The following TRPM3 variants were observed in gnomAD, a reference collection of about 807,000 sequenced individuals.
TRPM3 encodes the protein transient receptor potential cation channel subfamily M member 3.
TRPM3 carries 77 observed loss-of-function variants against 181.2 expected under a neutral mutation model. The observed-to-expected ratio is 0.42, with a 90% CI of 0.35 to 0.51. The LOEUF (loss-of-function observed/expected upper bound fraction) is 0.51. Among genes scored for constraint, TRPM3 ranks in the 20% least tolerant of loss-of-function variants. The pLI is 0.01. For missense variants in TRPM3, 1,759 were observed against 2,196.7 expected (o/e 0.80, Z 3.98); for synonymous variants, 745 against 796.4 (o/e 0.94, Z 1.09).
intron 1 of TRPM3, among the ~76,000 whole-genome samples, chr9:71,439,088 G>A (rs2094093569): frequency 6.6e-6 from 1 of 152,050 alleles, no homozygotes; most frequent in Non-Finnish European, 1.5e-5. Context: ...AACTACCTTT[G>A]GTAAAAACAT....
chr9:71,234,419 A>C (rs913377603), intron 1 of TRPM3, among the ~76,000 whole-genome samples: 1 of 152,204 alleles, frequency 6.6e-6, no homozygotes, highest in African/African-American at 2.4e-5. Context: ...CTGATGACCC[A>C]TATGTATTAG....
intron 22 of TRPM3, among the ~76,000 whole-genome samples, chr9:70,584,801 C>A (rs1048266141): frequency 2.6e-5 from 4 of 152,098 alleles, no homozygotes; most frequent in Non-Finnish European, 4.4e-5. Context: ...CTTCAAAAAC[C>A]CTTGCAAACA....
intron 1 of TRPM3, among the ~76,000 whole-genome samples, chr9:71,225,493 A>G (rs1194361720): frequency 6.6e-6 from 1 of 152,194 alleles, no homozygotes; most frequent in Non-Finnish European, 1.5e-5. Flanking sequence ...AAGTAGTTCA[A>G]TCAGAAAGAA....
chr9:70,835,121 C>G (rs186730740), intron 5 of TRPM3, among the ~76,000 whole-genome samples: 3 of 152,110 alleles, frequency 2.0e-5, no homozygotes, highest in Non-Finnish European at 4.4e-5. Context: ...GCCAGCTCCC[C>G]CTTTGCCTTC....
intron 1 of TRPM3, among the ~76,000 whole-genome samples, chr9:70,891,563 C>T (rs970093738): frequency 2.4e-4 from 37 of 152,206 alleles, no homozygotes; most frequent in African/African-American, 8.7e-4. Flanking sequence ...ACTTTTTAAG[C>T]TCTATCATAA....
intron 12 of TRPM3, among the ~76,000 whole-genome samples, chr9:70,629,226 GGGGC>G (rs1338967277): frequency 2.4e-5 from 2 of 83,584 alleles, no homozygotes; most frequent in African/African-American, 7.4e-5. Flanking sequence ...GGGGGGGGGG[GGGGC>G]CTGCGTTCTG....
intron 1 of TRPM3, among the ~76,000 whole-genome samples, chr9:71,345,245 T>C (rs1043271909): frequency 5.3e-5 from 8 of 152,186 alleles, no homozygotes; most frequent in Admixed American, 2.6e-4. Flanking sequence ...ACTGGGTATA[T>C]GCCCAAAGGA....
intron 1 of TRPM3, among the ~76,000 whole-genome samples, chr9:71,434,179 T>A (rs2093998078): frequency 6.6e-6 from 1 of 151,794 alleles, no homozygotes; most frequent in Non-Finnish European, 1.5e-5. Context: ...AATAAATAAA[T>A]AAAGTCATCC....
intron 5 of TRPM3, 196 bp downstream of exon 5, chr9:70,842,807 G>C: frequency 5.5e-6 from 3 of 541,508 alleles, no homozygotes; most frequent in Non-Finnish European, 9.4e-6. Flanking sequence ...TTGATCATAA[G>C]AATTGACCTG....
At chr9:70,872,906 G>C (rs941470234) in intron 1 of TRPM3, among the ~76,000 whole-genome samples, 4 of 151,860 alleles carry the variant, frequency 2.6e-5, no homozygotes, top group African/African-American at 9.7e-5. Flanking sequence ...TTCAGGGCGG[G>C]ACTCAGATGG....
At chr9:71,444,109 G>T (rs1385329439) in intron 1 of TRPM3, among the ~76,000 whole-genome samples, 1 of 150,758 alleles carries the variant, frequency 6.6e-6, no homozygotes, top group East Asian at 2.0e-4. Context: ...AACCAGGGAG[G>T]CGGAAGTTGC....
At chr9:71,239,173 T>TA (rs1316012782) in intron 1 of TRPM3, among the ~76,000 whole-genome samples, 1 of 152,154 alleles carries the variant, frequency 6.6e-6, no homozygotes, top group Non-Finnish European at 1.5e-5. Context: ...TTAGCAACAT[T>TA]AATACATTTT....
intron 15 of TRPM3, among the ~76,000 whole-genome samples, chr9:70,620,832 G>C (rs1293013632): frequency 4.0e-5 from 6 of 151,664 alleles, no homozygotes; most frequent in African/African-American, 1.5e-4. Flanking sequence ...AAGTAGTTCT[G>C]GCCTTTAGAC....
At chr9:70,847,017 A>G (rs1310194982) in intron 3 of TRPM3, among the ~76,000 whole-genome samples, 1 of 152,192 alleles carries the variant, frequency 6.6e-6, no homozygotes, top group Admixed American at 6.5e-5. Flanking sequence ...GATTTGAAAG[A>G]TTCTAGAATT....
rs1206569203 is a variant in TRPM3 at position 70,534,655 on chromosome 9, A to G, written c.*1298T>C. On this transcript the variant is annotated 3_prime_UTR_variant, in exon 26 of 26. Transcript: ENST00000677713. ...GAAAAATATTCATGGTATGCTTGCA[A>G]CTGATGGCTTTGGGTTGATACCAAA... The G allele has an allele frequency of 1.3e-5, 2 of 152,176 alleles. No individual in the cohort carries two copies. The highest frequency in any genetic ancestry group is 2.4e-5 in the African/African-American group (1 of 41,440). The allele number at this position is 152,176 out of a possible 1,614,324, so 9.4% of individuals were successfully genotyped here. A position where few individuals can be genotyped will look rare whatever the true frequency, so the allele number is the denominator to read the frequency against.
Position 71,020,717 on chromosome 9 carries a change from T to C in TRPM3, c.177+100461A>G, listed in dbSNP as rs2097840742. ...TCAAACTGGCTAAAATTAAAACAACTGCCTAGACCAAGTTTTGGTGAGTTA... is the reference window on the plus strand; with the variant it reads ...TCAAACTGGCTAAAATTAAAACAACCGCCTAGACCAAGTTTTGGTGAGTTA... On this transcript the variant is annotated intron_variant, in intron 1 of 25. Transcript: ENST00000677713. Among the ~76,000 whole-genome samples, 3 of 152,146 alleles carry C rather than the reference T, an allele frequency of 2.0e-5. No individual in the cohort carries two copies. The South Asian group carries it at 6.2e-4, about 31-fold the overall frequency.
chr9:71,376,160 G>T (rs1339185889), intron 1 of TRPM3, among the ~76,000 whole-genome samples: 3 of 151,786 alleles, frequency 2.0e-5, no homozygotes, highest in Non-Finnish European at 4.4e-5. Flanking sequence ...TGCAAATTTT[G>T]CTGAATTAAC....
At chr9:70,654,174 A>G (rs1316696261) in intron 9 of TRPM3, among the ~76,000 whole-genome samples, 1 of 152,038 alleles carries the variant, frequency 6.6e-6, no homozygotes, top group Non-Finnish European at 1.5e-5. Context: ...CCCAAAATTA[A>G]TCTCAGTTCA....
intron 9 of TRPM3, among the ~76,000 whole-genome samples, chr9:70,646,164 G>A (rs1197636211): frequency 6.6e-6 from 1 of 152,218 alleles, no homozygotes; most frequent in Non-Finnish European, 1.5e-5. Flanking sequence ...AAGACAGTGT[G>A]GCGATTCCTC....
Sources: allele counts gnomAD v4.1 joint callset (sites outside exome capture counted in the v4.1 genomes callset), GRCh38; gene constraint gnomAD v4.1.1; transcripts MANE v1.5; gene names NCBI Gene and HGNC (gene_info 2026-07-23, HGNC 2026-07-21).